Variants in DLG2 observed in about 807,000 individuals in gnomAD.
The protein encoded by DLG2 is discs large MAGUK scaffold protein 2.
Under a neutral mutation model 132.5 loss-of-function variants are expected in DLG2, and 45 were observed. The ratio of observed to expected loss-of-function variants is 0.34; its 90% CI spans 0.27 to 0.44. The LOEUF (loss-of-function observed/expected upper bound fraction) is 0.44. Among genes scored for constraint, DLG2 ranks in the 20% least tolerant of loss-of-function variants. DLG2 has a pLI of 1.00. For missense variants in DLG2, 1,045 were observed against 1,196.9 expected, an observed-to-expected ratio of 0.87 and a Z score of 1.87; for synonymous variants, 424 against 419.6, an observed-to-expected ratio of 1.01 and a Z score of -0.13.
chr11:85,466,924 G>A (rs910988671), intron 3 of DLG2, among the ~76,000 whole-genome samples: 6 of 152,142 alleles, frequency 3.9e-5, no homozygotes, highest in Non-Finnish European at 7.4e-5. Context: ...TCATGATATT[G>A]ATTCTTCCTA....
chr11:85,239,184 C>T (rs2152670744), intron 4 of DLG2, among the ~76,000 whole-genome samples: 1 of 152,162 alleles, frequency 6.6e-6, no homozygotes, highest in East Asian at 1.9e-4. Context: ...TAAGCAGAAA[C>T]TCACAACACT....
chr11:85,335,533 T>A (rs1425409919), intron 3 of DLG2, among the ~76,000 whole-genome samples: 3 of 152,214 alleles, frequency 2.0e-5, no homozygotes, highest in African/African-American at 7.2e-5. Flanking sequence ...ATGTGTCTCT[T>A]TGTAATGGCA....
At chr11:85,517,248 A>C (rs2094187467) in intron 3 of DLG2, among the ~76,000 whole-genome samples, 1 of 152,062 alleles carries the variant, frequency 6.6e-6, no homozygotes, top group Admixed American at 6.6e-5. Flanking sequence ...TTAAAAAAAA[A>C]CCCTCCCCAA....
At chr11:83,696,919 C>T (rs1323754830) in intron 18 of DLG2, among the ~76,000 whole-genome samples, 9 of 152,264 alleles carry the variant, frequency 5.9e-5, no homozygotes, top group East Asian at 3.9e-4. Flanking sequence ...TTTTAATTTT[C>T]GCCATAGTAA....
intron 7 of DLG2, among the ~76,000 whole-genome samples, chr11:84,399,777 TTTTG>T (rs1488880783): frequency 9.9e-5 from 15 of 152,216 alleles, no homozygotes; most frequent in South Asian, 2.1e-4. Flanking sequence ...ATTGGACTAT[TTTTG>T]TTTGTTTGTT....
At chr11:85,150,769 T>A (rs2077199135) in intron 5 of DLG2, among the ~76,000 whole-genome samples, 1 of 150,878 alleles carries the variant, frequency 6.6e-6, no homozygotes, top group Non-Finnish European at 1.5e-5. Context: ...TCTTTATCCA[T>A]TCTTCTGTTA....
intron 6 of DLG2, among the ~76,000 whole-genome samples, chr11:84,660,430 C>A (rs1038881586): frequency 7.9e-5 from 12 of 152,126 alleles, no homozygotes; most frequent in Admixed American, 3.3e-4. Flanking sequence ...ATGGTTTGTG[C>A]TATTTTTGGT....
intron 7 of DLG2, among the ~76,000 whole-genome samples, chr11:84,352,468 T>C (rs995243693): frequency 6.6e-6 from 1 of 152,188 alleles, no homozygotes; most frequent in Non-Finnish European, 1.5e-5. Flanking sequence ...AAGTTGTTTT[T>C]GTAATTTTGT....
At chr11:84,010,967 C>T (rs994773484) in intron 11 of DLG2, among the ~76,000 whole-genome samples, 5 of 152,138 alleles carry the variant, frequency 3.3e-5, no homozygotes, top group African/African-American at 1.2e-4. Flanking sequence ...TCCTGTATTT[C>T]GAATTAGTTC....
At chr11:84,711,801 C>T (rs1425334327) in intron 6 of DLG2, among the ~76,000 whole-genome samples, 1 of 151,970 alleles carries the variant, frequency 6.6e-6, no homozygotes, top group Admixed American at 6.6e-5. Flanking sequence ...CAGAAACAAT[C>T]TCTCAGATAT....
intron 21 of DLG2, among the ~76,000 whole-genome samples, chr11:83,490,577 T>TTTAA (rs2093784230): frequency 6.6e-6 from 1 of 151,958 alleles, no homozygotes; most frequent in African/African-American, 2.4e-5. Context: ...TCCCAGATTA[T>TTTAA]TTAATTATTA....
intron 10 of DLG2, among the ~76,000 whole-genome samples, chr11:84,083,609 T>C (rs2096933806): frequency 6.6e-6 from 1 of 152,118 alleles, no homozygotes; most frequent in Admixed American, 6.5e-5. Context: ...AGAGAGAAGG[T>C]GGTTATAAAG....
intron 16 of DLG2, among the ~76,000 whole-genome samples, chr11:83,866,370 C>CTTG (rs1211644197): frequency 6.6e-6 from 1 of 152,110 alleles, no homozygotes; most frequent in Admixed American, 6.6e-5. Flanking sequence ...GCAACTAAAT[C>CTTG]TTGTCATGGA....
chr11:84,270,479 T>C (rs142235632), intron 7 of DLG2, among the ~76,000 whole-genome samples: 110 of 152,330 alleles, frequency 7.2e-4, no homozygotes, highest in African/African-American at 2.5e-3. Context: ...AGCAGCACTA[T>C]CCAGGTATCA....
intron 3 of DLG2, among the ~76,000 whole-genome samples, chr11:85,378,814 C>G (rs1032844342): frequency 6.6e-6 from 1 of 152,234 alleles, no homozygotes; most frequent in African/African-American, 2.4e-5. Context: ...ATTCTCAATA[C>G]TTACAAGATT....
At chr11:83,523,413 G>T (rs1362830588) in intron 21 of DLG2, among the ~76,000 whole-genome samples, 2 of 152,060 alleles carry the variant, frequency 1.3e-5, no homozygotes, top group Admixed American at 1.3e-4. Context: ...AATTAGCTAT[G>T]CTACTAACAT....
At chr11:85,353,051 A>T (rs940127543) in intron 3 of DLG2, among the ~76,000 whole-genome samples, 5 of 152,226 alleles carry the variant, frequency 3.3e-5, no homozygotes, top group African/African-American at 1.2e-4. Context: ...TGAACAGGCA[A>T]CCTATAGAAT....
In DLG2 at chr11:83,746,405, T is replaced by C. The variant is rs747177734; in HGVS notation, c.1825+40285A>G. Among the ~76,000 whole-genome samples, 33 of 152,074 alleles carry C rather than the reference T, an allele frequency of 2.2e-4. 1 individual carries two copies. The highest frequency in any genetic ancestry group is 3.8e-4 in the Non-Finnish European group (26 of 68,010). On this transcript the variant is annotated intron_variant, in intron 18 of 27. Transcript: ENST00000376104. ...TGGAATACTATGCAGCCATCAAAAATGATGAGTTCATGTCCTTTGTAGGGA... is the reference window on the plus strand; with the variant it reads ...TGGAATACTATGCAGCCATCAAAAACGATGAGTTCATGTCCTTTGTAGGGA...
At chr11:85,081,706 TG>T (rs1322289495) in intron 6 of DLG2, among the ~76,000 whole-genome samples, 1 of 152,202 alleles carries the variant, frequency 6.6e-6, no homozygotes, top group African/African-American at 2.4e-5. Flanking sequence ...TGTAAGCTAT[TG>T]GAGTTGGAAT....
Sources: allele counts gnomAD v4.1 joint callset (sites outside exome capture counted in the v4.1 genomes callset), GRCh38; gene constraint gnomAD v4.1.1; transcripts MANE v1.5; gene names NCBI Gene and HGNC (gene_info 2026-07-23, HGNC 2026-07-21).